Variants in PRKAG2 observed in about 807,000 individuals in gnomAD.
The protein encoded by PRKAG2 is protein kinase AMP-activated non-catalytic subunit gamma 2, also known as 5'-AMP-activated protein kinase subunit gamma-2.
In PRKAG2, 26 loss-of-function variants were observed where a neutral mutation model predicts 69.6. That is an observed-to-expected ratio of 0.37 (90% CI 0.27 to 0.52). The LOEUF is 0.52. Among genes scored for constraint, PRKAG2 ranks in the 20% least tolerant of loss-of-function variants. The pLI is 0.90. For missense variants in PRKAG2, 557 were observed against 740.0 expected, an observed-to-expected ratio of 0.75 and a Z score of 2.87; for synonymous variants, 293 against 285.0, an observed-to-expected ratio of 1.03 and a Z score of -0.28.
chr7:151,717,955 A>G (rs10224002), intron 3 of PRKAG2, among the ~76,000 whole-genome samples: 45,867 of 152,044 alleles, frequency 0.3, 7,574 homozygotes, highest in African/African-American at 0.41. Context: ...CCCACGCAGC[A>G]TCTTTTTACA....
chr7:151,749,313 C>T (rs2074509034), intron 3 of PRKAG2, among the ~76,000 whole-genome samples: 1 of 152,192 alleles, frequency 6.6e-6, no homozygotes, highest in Non-Finnish European at 1.5e-5. Flanking sequence ...CGTCCATCAG[C>T]CTATCCTGAT....
intron 4 of PRKAG2, among the ~76,000 whole-genome samples, chr7:151,641,437 A>G (rs574476184): frequency 6.6e-6 from 1 of 151,684 alleles, no homozygotes; most frequent in Admixed American, 6.6e-5. Flanking sequence ...TAGTAGAGAC[A>G]AGGTTTCACC....
chr7:151,813,070 G>A (rs370513806), intron 1 of PRKAG2, among the ~76,000 whole-genome samples: 52 of 152,198 alleles, frequency 3.4e-4, no homozygotes, highest in Admixed American at 1.6e-3. Flanking sequence ...CGGGTGAGTC[G>A]GAGCCTGCCC....
intron 3 of PRKAG2, among the ~76,000 whole-genome samples, chr7:151,750,912 T>C (rs528848323): frequency 6.6e-6 from 1 of 151,998 alleles, no homozygotes; most frequent in East Asian, 1.9e-4. Context: ...GGTGCTAAAT[T>C]ACATATTATA....
At chr7:151,730,862 G>T (rs1798820151) in intron 3 of PRKAG2, among the ~76,000 whole-genome samples, 1 of 152,174 alleles carries the variant, frequency 6.6e-6, no homozygotes, top group African/African-American at 2.4e-5. Context: ...AGAAGCCGTT[G>T]CGTAGTCATG....
At chr7:151,763,388 T>C (rs2075546486) in intron 3 of PRKAG2, among the ~76,000 whole-genome samples, 1 of 152,326 alleles carries the variant, frequency 6.6e-6, no homozygotes, top group Admixed American at 6.5e-5. Context: ...CCTCTCTCTT[T>C]GGTGAAACCC....
rs189844869 is a variant in PRKAG2 at position 151,825,635 on chromosome 7, T to C, written c.115-39094A>G. On this transcript the variant is annotated intron_variant, in intron 1 of 15. Transcript: ENST00000287878. Reference sequence around the variant, plus strand: ...GGGAAGAATACATTTGAAGCCTGTTTTTTCCCCTTTCATGTTAAAACAGAG... The same window carrying C: ...GGGAAGAATACATTTGAAGCCTGTTCTTTCCCCTTTCATGTTAAAACAGAG... Among the ~76,000 whole-genome samples the C allele has an allele frequency of 1.7e-4, 26 of 152,328 alleles. No individual in the cohort carries two copies. The East Asian group carries it at 5.0e-3, about 29-fold the overall frequency.
chr7:151,636,346 G>C (rs1330678107), intron 4 of PRKAG2, among the ~76,000 whole-genome samples: 1 of 152,040 alleles, frequency 6.6e-6, no homozygotes, highest in Non-Finnish European at 1.5e-5. Context: ...CCATCCCTAG[G>C]CAACTATTTC....
At chr7:151,689,697 G>A (rs1391673036) in intron 3 of PRKAG2, among the ~76,000 whole-genome samples, 7 of 152,154 alleles carry the variant, frequency 4.6e-5, no homozygotes, top group African/African-American at 1.2e-4. Flanking sequence ...GGCTGCAGCC[G>A]GCTGCCATGG....
rs10228256 is a variant in PRKAG2, at chr7:151,662,869, T to C, written c.684+12551A>G. 4.8e-3 allele frequency among the ~76,000 whole-genome samples: 736 copies of C among 152,156 alleles called. 3 individuals are homozygous for C. The highest frequency in any genetic ancestry group is 0.017 in the African/African-American group (704 of 41,526). On this transcript the variant is annotated intron_variant, in intron 4 of 15. Transcript: ENST00000287878. ...AGCTATGATCACACTCCAGCATGAGTGACAGAGGGAGAATCTATCTCTAAA... is the reference window on the plus strand; with the variant it reads ...AGCTATGATCACACTCCAGCATGAGCGACAGAGGGAGAATCTATCTCTAAA...
chr7:151,728,548 C>A (rs1375325543), intron 3 of PRKAG2, among the ~76,000 whole-genome samples: 2 of 152,186 alleles, frequency 1.3e-5, no homozygotes, highest in Non-Finnish European at 2.9e-5. Context: ...CGTCCAGAGT[C>A]ACTATTTTAA....
intron 4 of PRKAG2, among the ~76,000 whole-genome samples, chr7:151,648,220 C>T (rs1390383511): frequency 6.6e-6 from 1 of 152,102 alleles, no homozygotes; most frequent in African/African-American, 2.4e-5. Context: ...TCTATCATAT[C>T]CCCATACAAC....
chr7:151,761,574 C>T (rs1303059545), intron 3 of PRKAG2, among the ~76,000 whole-genome samples: 2 of 152,170 alleles, frequency 1.3e-5, no homozygotes, highest in Non-Finnish European at 2.9e-5. Flanking sequence ...GCACCCATTC[C>T]CTAGTCCCTG....
At chr7:151,831,724 G>A (rs2079029500) in intron 1 of PRKAG2, among the ~76,000 whole-genome samples, 1 of 152,124 alleles carries the variant, frequency 6.6e-6, no homozygotes, top group Non-Finnish European at 1.5e-5. Flanking sequence ...CTGGTCTCGG[G>A]TCCTGGCCTC....
At chr7:151,621,155 C>A (rs4726065) in intron 5 of PRKAG2, among the ~76,000 whole-genome samples, 1,902 of 152,304 alleles carry the variant, frequency 0.012, 28 homozygotes, top group African/African-American at 0.043. Flanking sequence ...AGACTGATCG[C>A]TTGTTTTCTT....
chr7:151,843,527 A>T (rs1271522492), intron 1 of PRKAG2, among the ~76,000 whole-genome samples: 5 of 152,248 alleles, frequency 3.3e-5, no homozygotes, highest in African/African-American at 1.2e-4. Flanking sequence ...TTTATGGAGT[A>T]AAGTTGAAGC....
chr7:151,849,153 A>C (rs2079510572), intron 1 of PRKAG2, among the ~76,000 whole-genome samples: 2 of 152,224 alleles, frequency 1.3e-5, no homozygotes, highest in Non-Finnish European at 2.9e-5. Context: ...TGTTGGGGAA[A>C]CGAAGACGCA....
chr7:151,677,191 TC>T (rs1379098431), intron 3 of PRKAG2, among the ~76,000 whole-genome samples: 1 of 151,962 alleles, frequency 6.6e-6, no homozygotes, highest in African/African-American at 2.4e-5. Flanking sequence ...AATCTCTTTT[TC>T]TTTTTTTTTT....
In PRKAG2 at chr7:151,827,237, T is replaced by G. The variant is rs566988011; in HGVS notation, c.115-40696A>C. 1.2e-4 allele frequency among the ~76,000 whole-genome samples: 18 copies of G among 152,282 alleles called. No individual in the cohort carries two copies. In the South Asian group the frequency reaches 3.7e-3, roughly 32 times the overall value. On this transcript the variant is annotated intron_variant, in intron 1 of 15. Coordinates refer to ENST00000287878, the MANE Select transcript of PRKAG2 (RefSeq NM_016203.4). ...GGGATTTTTATTTATTTTCATTTAT[T>G]TATTCATTCATTTATTTTTGAGACA...
Sources: allele counts gnomAD v4.1 joint callset (sites outside exome capture counted in the v4.1 genomes callset), GRCh38; gene constraint gnomAD v4.1.1; transcripts MANE v1.5; gene names NCBI Gene and HGNC (gene_info 2026-07-23, HGNC 2026-07-21).